Variants in MYO16 observed in about 807,000 individuals in gnomAD.
The protein encoded by MYO16 is unconventional myosin-XVI.
A neutral mutation model predicts 205.3 loss-of-function variants in MYO16; 94 were observed. The ratio of observed to expected loss-of-function variants is 0.46; its 90% CI spans 0.39 to 0.54. The LOEUF (loss-of-function observed/expected upper bound fraction) is 0.54. Ranked by LOEUF, MYO16 falls within the 20% of genes least tolerant of loss-of-function variation. The pLI, the probability that MYO16 is intolerant of heterozygous loss-of-function variation, is 0.00. For synonymous variants in MYO16, 988 were observed against 954.0 expected (o/e 1.04, Z -0.66); for missense variants, 2,315 against 2,387.5 (o/e 0.97, Z 0.63).
the MYO16 span, among the ~76,000 whole-genome samples, chr13:108,516,270 C>G: frequency 2.0e-5 from 3 of 151,422 alleles, no homozygotes; most frequent in South Asian, 2.1e-4. Flanking sequence ...TTCTTTGACT[C>G]GGAAAGGGAA....
At chr13:108,624,332 G>A (rs577546408) in intron 1 of MYO16, among the ~76,000 whole-genome samples, 3 of 152,134 alleles carry the variant, frequency 2.0e-5, no homozygotes, top group Admixed American at 2.0e-4. Context: ...TTTTTTATCT[G>A]CCTATTCCTG....
At chr13:109,187,933 T>C (rs962198589) in intron 34 of MYO16, among the ~76,000 whole-genome samples, 4 of 152,202 alleles carry the variant, frequency 2.6e-5, no homozygotes, top group Non-Finnish European at 5.9e-5. Flanking sequence ...CATCTATTCC[T>C]GAGAGAAGAG....
chr13:108,877,875 A>G (rs1474499432), intron 12 of MYO16, among the ~76,000 whole-genome samples: 2 of 152,112 alleles, frequency 1.3e-5, no homozygotes, highest in Non-Finnish European at 2.9e-5. Flanking sequence ...TATATTTTTG[A>G]ATCCTATTTC....
At chr13:108,849,432 C>T (rs1342440465) in intron 10 of MYO16, among the ~76,000 whole-genome samples, 1 of 151,916 alleles carries the variant, frequency 6.6e-6, no homozygotes, top group African/African-American at 2.4e-5. Flanking sequence ...CTCAGGTGAT[C>T]TGCCTGCCTC....
At chr13:108,561,350 G>A in the MYO16 span, among the ~76,000 whole-genome samples, 2 of 152,140 alleles carry the variant, frequency 1.3e-5, no homozygotes, top group Admixed American at 6.5e-5. Flanking sequence ...TATTCTCTTG[G>A]CATAGACTTC....
chr13:108,824,374 G>A (rs1322224624), intron 9 of MYO16, among the ~76,000 whole-genome samples: 1 of 151,996 alleles, frequency 6.6e-6, no homozygotes, highest in African/African-American at 2.4e-5. Context: ...TGGTGAAAAT[G>A]TACAAAAAGC....
chr13:109,165,022 T>G lies in MYO16; in HGVS notation c.5286T>G (p.Ser1762Arg). 1 of 1,596,654 alleles carries G rather than the reference T, an allele frequency of 6.3e-7. No individual in the cohort carries two copies. Among genetic ancestry groups the G allele is most frequent in the Non-Finnish European group, 8.5e-7 (1 of 1,174,004 alleles). ...HGIQLSNSLS[S>R]AITAENGNSI... ...TTCAGTTATCTAATTCACTATCTAG[T>G]GCTATAACTGCTGAAAATGGAAATT... The change falls in exon 33 of 35, where the codon AGT becomes AGG. Residue 1762 changes from serine (S) to arginine (R), a missense_variant. Coordinates refer to ENST00000457511, the MANE Select transcript of MYO16 (RefSeq NM_001198950.3).
intron 28 of MYO16, among the ~76,000 whole-genome samples, chr13:109,109,588 G>A (rs1008735103): frequency 1.3e-5 from 2 of 150,302 alleles, no homozygotes; most frequent in African/African-American, 4.8e-5. Context: ...AACACGAAGG[G>A]AGGGGAGAGG....
At position 108,885,344 on chromosome 13, in the gene MYO16, T is replaced by A. The variant is rs196139; in HGVS notation, c.1553+2158T>A. Among the ~76,000 whole-genome samples, 832 of 152,238 alleles carry A rather than the reference T, an allele frequency of 5.5e-3. 5 individuals are homozygous for A. The highest frequency in any genetic ancestry group is 0.019 in the African/African-American group (791 of 41,530). ...CACGTTGGTCAGGCTGGTCTCGAAC[T>A]CCTGAGCTCAGGTGATCCACCTGCC... On this transcript the variant is annotated intron_variant, in intron 13 of 34. Transcript: ENST00000457511.
At chr13:108,570,774 C>CA in the MYO16 span, among the ~76,000 whole-genome samples, 1 of 152,188 alleles carries the variant, frequency 6.6e-6, no homozygotes, top group African/African-American at 2.4e-5. Flanking sequence ...TGAGATTGAG[C>CA]AAATCAGTTC....
intron 10 of MYO16, among the ~76,000 whole-genome samples, chr13:108,848,084 C>T (rs1029605656): frequency 6.6e-5 from 10 of 152,190 alleles, no homozygotes; most frequent in African/African-American, 1.9e-4. Context: ...TACTGAGCCT[C>T]ATGTGCAAAA....
chr13:108,712,150 G>A (rs115740436), intron 2 of MYO16, among the ~76,000 whole-genome samples: 1 of 152,148 alleles, frequency 6.6e-6, no homozygotes, highest in Non-Finnish European at 1.5e-5. Context: ...AACTAATTTG[G>A]ATATATGTGG....
intron 3 of MYO16, among the ~76,000 whole-genome samples, chr13:108,716,964 AG>A (rs1478945930): frequency 5.3e-5 from 8 of 152,214 alleles, no homozygotes; most frequent in African/African-American, 1.9e-4. Context: ...GGCAGGTATC[AG>A]GTACTCTGAC....
rs137971338 is a variant in MYO16 at position 108,634,212 on chromosome 13, T to A, written c.28+4340T>A. On this transcript the variant is annotated intron_variant, in intron 1 of 34. Transcript: ENST00000457511. ...GCTCATGCCTAGAGACCCCTTCTTC[T>A]AACTCCAATCTCCCAGGCTGAGGAG... Among the ~76,000 whole-genome samples the A allele has an allele frequency of 3.3e-3, 495 of 152,282 alleles. 1 individual carries two copies. The highest frequency in any genetic ancestry group is 5.5e-3 in the Non-Finnish European group (374 of 68,028).
At chr13:109,058,394 A>G (rs1887480925) in intron 27 of MYO16, among the ~76,000 whole-genome samples, 1 of 152,168 alleles carries the variant, frequency 6.6e-6, no homozygotes, top group Non-Finnish European at 1.5e-5. Context: ...CTATCCAGGC[A>G]GACCTTGGAG....
At chr13:108,962,207 G>A (rs1883615519) in intron 18 of MYO16, among the ~76,000 whole-genome samples, 1 of 152,206 alleles carries the variant, frequency 6.6e-6, no homozygotes, top group African/African-American at 2.4e-5. Context: ...CATCCGCTGT[G>A]ATTTAATGCA....
At chr13:108,612,973 G>T (rs1442261027) in intron 1 of MYO16, among the ~76,000 whole-genome samples, 1 of 152,142 alleles carries the variant, frequency 6.6e-6, no homozygotes, top group Non-Finnish European at 1.5e-5. Context: ...ACAAGAAATA[G>T]CACTTCATGT....
At chr13:108,626,268 ATAT>A (rs1202514633), upstream of MYO16, among the ~76,000 whole-genome samples, 1 of 152,208 alleles carries the variant, frequency 6.6e-6, no homozygotes. Flanking sequence ...TGAGTTTGAA[ATAT>A]TATGCATTCG....
intron 7 of MYO16, among the ~76,000 whole-genome samples, chr13:108,807,423 ATTG>A (rs1887150017): frequency 7.7e-6 from 1 of 130,714 alleles, no homozygotes; most frequent in Non-Finnish European, 1.8e-5. Flanking sequence ...AAACAAGAAC[ATTG>A]TTTGTTTTGA....
Sources: allele counts gnomAD v4.1 joint callset (sites outside exome capture counted in the v4.1 genomes callset), GRCh38; gene constraint gnomAD v4.1.1; transcripts MANE v1.5; gene names NCBI Gene and HGNC (gene_info 2026-07-23, HGNC 2026-07-21).